The following CSK variants were observed in gnomAD, a reference collection of about 807,000 sequenced individuals.
CSK encodes the protein C-terminal Src kinase, also known as tyrosine-protein kinase CSK.
A neutral mutation model predicts 62.3 loss-of-function variants in CSK; 7 were observed. The ratio of observed to expected loss-of-function variants is 0.11; its 90% CI spans 0.06 to 0.21. The LOEUF is 0.21. Among genes scored for constraint, CSK ranks in the 10% least tolerant of loss-of-function variants. CSK has a pLI of 1.00. For synonymous variants in CSK, 237 were observed against 246.0 expected (o/e 0.96, Z 0.34); for missense variants, 294 against 613.5 (o/e 0.48, Z 5.50).
At chr15:74,791,018 T>A (rs34536211) in intron 1 of CSK, 28 of 152,168 alleles carry the variant, frequency 1.8e-4, no homozygotes, top group African/African-American at 2.2e-4. Flanking sequence ...TTTAAAAAAA[T>A]AATAATAATT....
chr15:74,798,970 A>G lies in CSK; in HGVS notation c.242+32A>G, dbSNP rs768855120. On this transcript the variant is annotated intron_variant, in intron 4 of 12. Coordinates refer to ENST00000220003, the MANE Select transcript of CSK (RefSeq NM_004383.3). The surrounding 1 kb of genome is among the most constrained non-coding windows in gnomAD (Gnocchi z 6.6). ...ACCACGAGGAGGGGTTGGGGAGGGAAGGGGCCTTGGTCCTCCTGAAGGAGC... is the reference window on the plus strand; with the variant it reads ...ACCACGAGGAGGGGTTGGGGAGGGAGGGGGCCTTGGTCCTCCTGAAGGAGC... The G allele has an allele frequency of 3.4e-6, 5 of 1,477,556 alleles. No homozygotes were observed. Among genetic ancestry groups the G allele is most frequent in the Non-Finnish European group, 4.5e-6 (5 of 1,122,798 alleles). The allele number at this position is 1,477,556 out of a possible 1,614,324, so 91.5% of individuals were successfully genotyped here.
intron 1 of CSK, among the ~76,000 whole-genome samples, chr15:74,784,079 G>GT (rs1168491746): frequency 1.3e-5 from 2 of 152,354 alleles, no homozygotes; most frequent in East Asian, 3.9e-4. Context: ...CAGGGGTGAG[G>GT]TTGAGGCCTG....
chr15:74,794,213 C>A (rs2063669715), intron 1 of CSK, among the ~76,000 whole-genome samples: 1 of 70,198 alleles, frequency 1.4e-5, no homozygotes, highest in Non-Finnish European at 3.0e-5. Flanking sequence ...CCGCCACCCC[C>A]ACCCTCACAG....
chr15:74,796,593 CAA>C (rs553348497), intron 1 of CSK, among the ~76,000 whole-genome samples: 39 of 98,248 alleles, frequency 4.0e-4, no homozygotes, highest in Non-Finnish European at 3.9e-4. Context: ...GACCCTTTCT[CAA>C]AAAAAAAAAA....
chr15:74,792,820 A>G (rs1339266185), intron 1 of CSK, among the ~76,000 whole-genome samples: 1 of 152,232 alleles, frequency 6.6e-6, no homozygotes, highest in Non-Finnish European at 1.5e-5. Flanking sequence ...CACAAGGGCT[A>G]CTGGGAGCCG....
rs768921280 is a variant in CSK, at chr15:74,798,888, C to T, written c.192C>T (p.Tyr64=). 42 of 1,546,154 alleles carry T rather than the reference C, an allele frequency of 2.7e-5. No homozygotes were observed. The highest frequency in any genetic ancestry group is 2.0e-5 in the Admixed American group (1 of 50,326). Residue 64 remains tyrosine (Y), a synonymous_variant, in exon 4 of 13, where the codon TAC becomes TAT. Coordinates refer to ENST00000220003, the MANE Select transcript of CSK (RefSeq NM_004383.3). The surrounding 1 kb of genome is among the most constrained non-coding windows in gnomAD (Gnocchi z 6.6). ...GTGAGGGCATCATCCCAGCCAACTA[C>T]GTCCAGAAGCGGGAGGGCGTGAAGG... The part of the protein sequence containing the change: ...VGREGIIPAN[Y]VQKREGVKAG...
rs774910976 is a variant in CSK, at chr15:74,801,786, G to A, written c.979G>A (p.Val327Met). 57 of 1,614,008 alleles carry A rather than the reference G, an allele frequency of 3.5e-5. No individual in the cohort carries two copies. Among genetic ancestry groups the A allele is most frequent in the Non-Finnish European group, 4.6e-5 (54 of 1,180,016 alleles). ...ARNVLVSEDNVAKVSDFGLTK... is the reference protein window; with the variant it reads ...ARNVLVSEDNMAKVSDFGLTK... ...CAATGTGCTGGTGTCTGAGGACAAC[G>A]TGGCCAAGGTCAGCGACTTTGGTCT... Residue 327 changes from valine to methionine, a missense_variant, in exon 11 of 13, where the codon GTG becomes ATG. Around this residue, in one of 3 missense-constraint regions of CSK, gnomAD observed 26 missense variants for 98.4 expected, o/e 0.26. Coordinates refer to ENST00000220003, the MANE Select transcript of CSK (RefSeq NM_004383.3).
intron 1 of CSK, among the ~76,000 whole-genome samples, chr15:74,790,300 G>T (rs1032087299): frequency 6.6e-6 from 1 of 152,234 alleles, no homozygotes; most frequent in African/African-American, 2.4e-5. Context: ...TGGCAAGGGG[G>T]AAGGGCAAGG....
chr15:74,789,310 C>T (rs1420834625), intron 1 of CSK, among the ~76,000 whole-genome samples: 2 of 152,220 alleles, frequency 1.3e-5, no homozygotes, highest in East Asian at 1.9e-4. Context: ...AAGACCCTGG[C>T]GCCCAATTCT....
intron 1 of CSK, among the ~76,000 whole-genome samples, chr15:74,791,109 C>G (rs2063613730): frequency 6.6e-6 from 1 of 152,228 alleles, no homozygotes; most frequent in Admixed American, 6.5e-5. Context: ...ACTTTCCCTT[C>G]TCATCCTAGA....
intron 1 of CSK, among the ~76,000 whole-genome samples, chr15:74,787,334 CAG>C (rs2063538646): frequency 6.6e-6 from 1 of 152,122 alleles, no homozygotes; most frequent in Non-Finnish European, 1.5e-5. Flanking sequence ...TCCTCGGGAT[CAG>C]AAGTACTCCA....
intron 1 of CSK, among the ~76,000 whole-genome samples, chr15:74,794,625 G>A (rs925354874): frequency 6.6e-6 from 1 of 152,108 alleles, no homozygotes; most frequent in African/African-American, 2.4e-5. Context: ...CAAGTTCAGG[G>A]TTTCATTCCA....
Position 74,799,436 on chromosome 15 carries a change from G to C in CSK, c.407G>C (p.Ser136Thr). The change falls in exon 5 of 13, where the codon AGC becomes ACC. Residue 136 changes from serine (S) to threonine (T), a missense_variant. Physicochemically the swap from Ser to Thr is moderately conservative, Grantham distance 58. Coordinates refer to ENST00000220003, the MANE Select transcript of CSK (RefSeq NM_004383.3). ...CACTACCGCATCATGTACCATGCCAGCAAGCTCAGCATCGACGAGGAGGTG... is the reference window on the plus strand; with the variant it reads ...CACTACCGCATCATGTACCATGCCACCAAGCTCAGCATCGACGAGGAGGTG... ...VEHYRIMYHASKLSIDEEVYF... is the reference protein window; with the variant it reads ...VEHYRIMYHATKLSIDEEVYF... The C allele has an allele frequency of 6.2e-7, 1 of 1,613,580 alleles. No individual in the cohort carries two copies. Among genetic ancestry groups the C allele is most frequent in the Non-Finnish European group, 8.5e-7 (1 of 1,180,022 alleles).
chr15:74,802,262 G>C, intron 12 of CSK, 69 bp from the exon 13 acceptor site: 2 of 1,490,136 alleles, frequency 1.3e-6, no homozygotes, highest in Non-Finnish European at 1.8e-6. Flanking sequence ...GCATCCCTGA[G>C]AGGCTGCTGG....
In CSK at chr15:74,802,641, TC is replaced by T; in HGVS notation, c.*131del. On this transcript the variant is annotated 3_prime_UTR_variant, in exon 13 of 13. Transcript: ENST00000220003. ...CGGGCTGGCGGGCCTTTTTCCTGCGTCCCAGCCTGCACCCCTCCGGCCCCGT... is the reference window on the plus strand; with the variant it reads ...CGGGCTGGCGGGCCTTTTTCCTGCGTCCAGCCTGCACCCCTCCGGCCCCGT... The T allele has an allele frequency of 8.3e-7, 1 of 1,198,646 alleles. No homozygotes were observed. The highest frequency in any genetic ancestry group is 1.2e-6 in the Non-Finnish European group (1 of 867,038). The allele number at this position is 1,198,646 out of a possible 1,614,324, so 74.3% of individuals were successfully genotyped here. A position where few individuals can be genotyped will look rare whatever the true frequency, so the allele number is the denominator to read the frequency against.
At chr15:74,783,942 A>G (rs1360232038) in intron 1 of CSK, among the ~76,000 whole-genome samples, 1 of 152,246 alleles carries the variant, frequency 6.6e-6, no homozygotes. Flanking sequence ...GCAGCAGGCT[A>G]CAGACTGGGG....
chr15:74,788,187 G>A (rs2063554244), intron 1 of CSK, among the ~76,000 whole-genome samples: 1 of 152,206 alleles, frequency 6.6e-6, no homozygotes, highest in Admixed American at 6.5e-5. Flanking sequence ...GCTCTTTTCT[G>A]TGTGTCCCTC....
intron 1 of CSK, among the ~76,000 whole-genome samples, chr15:74,794,241 G>A (rs1231469943): frequency 2.1e-5 from 1 of 48,720 alleles, no homozygotes; most frequent in East Asian, 6.1e-4. Context: ...TCCACAGGAG[G>A]CAGGGGCAAG....
chr15:74,786,013 T>TGTGTGTGTGTGTGTGTG (rs1555464576), intron 1 of CSK, among the ~76,000 whole-genome samples: 14 of 47,816 alleles, frequency 2.9e-4, no homozygotes, highest in African/African-American at 8.7e-4. Flanking sequence ...TTTTTTTTTT[T>TGTGTGTGTGTGTGTGTG]TGTGTGTGTG....
Sources: gnomAD v4.1 joint callset for allele counts (sites outside exome capture counted in the v4.1 genomes callset) on GRCh38, gnomAD v4.1.1 for gene constraint, gnomAD v4.1.1 regional missense constraint, Gnocchi (gnomAD v3.1) non-coding constraint, MANE v1.5 for transcripts, NCBI Gene and HGNC (gene_info 2026-07-23, HGNC 2026-07-21) for gene names.